JAZF1: variants seen among roughly 807,000 people sequenced by gnomAD.
JAZF1 encodes JAZF zinc finger 1.
In JAZF1, 8 loss-of-function variants were observed where a neutral mutation model predicts 26.4. The ratio of observed to expected loss-of-function variants is 0.30; its 90% confidence interval spans 0.18 to 0.55. JAZF1 has a LOEUF of 0.55. Among genes scored for constraint, JAZF1 ranks in the 20% least tolerant of loss-of-function variants. The pLI is 0.94. For synonymous variants in JAZF1, 126 were observed against 122.3 expected (o/e 1.03, Z -0.20); for missense variants, 199 against 322.0 (o/e 0.62, Z 2.92).
chr7:27,934,180 T>C (rs1784729005), intron 2 of JAZF1, among the ~76,000 whole-genome samples: 1 of 152,182 alleles, frequency 6.6e-6, no homozygotes, highest in Admixed American at 6.5e-5. Flanking sequence ...AATAACCCAG[T>C]TGGAGAAGGA....
chr7:28,113,761 T>C (rs2127934461), intron 1 of JAZF1, among the ~76,000 whole-genome samples: 1 of 152,326 alleles, frequency 6.6e-6, no homozygotes, highest in East Asian at 1.9e-4. Flanking sequence ...CCACTGAAGG[T>C]ACTGTACTTT....
intron 1 of JAZF1, among the ~76,000 whole-genome samples, chr7:28,091,951 T>C (rs560335301): frequency 6.6e-6 from 1 of 152,218 alleles, no homozygotes; most frequent in South Asian, 2.1e-4. Flanking sequence ...AGTCCAAGTA[T>C]GTTACCGTAG....
At chr7:27,903,086 C>T (rs1423182958) in intron 2 of JAZF1, among the ~76,000 whole-genome samples, 1 of 150,530 alleles carries the variant, frequency 6.6e-6, no homozygotes, top group Non-Finnish European at 1.5e-5. Flanking sequence ...AAACCTTTCA[C>T]CTTCTGCCAT....
At position 27,927,672 on chromosome 7, in the gene JAZF1, A is replaced by G. The variant is rs183781960; in HGVS notation, c.189-32256T>C. 2.0e-5 allele frequency among the ~76,000 whole-genome samples: 3 copies of G among 152,310 alleles called. No individual in the cohort carries two copies. The East Asian group carries it at 5.8e-4, about 29-fold the overall frequency. ...TCAAGCTATATTTCTCATTTGAATA[A>G]CATCTCACAAGAGATGTTTTTTATA... is the stretch of plus-strand genomic sequence containing the variant. On this transcript the variant is annotated intron_variant, in intron 2 of 4. Coordinates refer to ENST00000283928, the MANE Select transcript of JAZF1 (RefSeq NM_175061.4).
At chr7:27,878,331 C>A (rs1017741866) in intron 3 of JAZF1, among the ~76,000 whole-genome samples, 123 of 152,086 alleles carry the variant, frequency 8.1e-4, no homozygotes, top group African/African-American at 2.8e-3. Flanking sequence ...TGACCATGAT[C>A]CATTGAAAAA....
chr7:27,929,073 C>A (rs1309262576), intron 2 of JAZF1, among the ~76,000 whole-genome samples: 1 of 152,228 alleles, frequency 6.6e-6, no homozygotes, highest in Non-Finnish European at 1.5e-5. Flanking sequence ...ACTGGCAACT[C>A]AGTTTTCTTG....
chr7:27,856,619 A>G (rs1447436449), intron 3 of JAZF1, among the ~76,000 whole-genome samples: 1 of 152,202 alleles, frequency 6.6e-6, no homozygotes, highest in Non-Finnish European at 1.5e-5. Flanking sequence ...ACAATCCCTT[A>G]GCTAGACACA....
chr7:28,136,797 T>C (rs1782892952), intron 1 of JAZF1, among the ~76,000 whole-genome samples: 1 of 152,192 alleles, frequency 6.6e-6, no homozygotes. Context: ...AAGGTATGTC[T>C]AGACCCAGCC....
At chr7:27,932,753 C>T (rs896379411) in intron 2 of JAZF1, among the ~76,000 whole-genome samples, 4 of 152,200 alleles carry the variant, frequency 2.6e-5, no homozygotes, top group Admixed American at 6.5e-5. Context: ...CTCACTCACA[C>T]TCCTGCAAAC....
chr7:27,929,629 G>A (rs1784653712), intron 2 of JAZF1, among the ~76,000 whole-genome samples: 1 of 152,142 alleles, frequency 6.6e-6, no homozygotes, highest in Non-Finnish European at 1.5e-5. Context: ...GTGACTTTGG[G>A]CAAAAGACTT....
intron 2 of JAZF1, among the ~76,000 whole-genome samples, chr7:27,909,908 G>A (rs1168917720): frequency 6.6e-6 from 1 of 152,164 alleles, no homozygotes; most frequent in African/African-American, 2.4e-5. Context: ...AGGAAAGACA[G>A]AAGAGAACAA....
chr7:27,848,565 G>T (rs567104229), intron 3 of JAZF1, among the ~76,000 whole-genome samples: 1 of 152,360 alleles, frequency 6.6e-6, no homozygotes, highest in African/African-American at 2.4e-5. Flanking sequence ...CACCGGCTGT[G>T]ACACTGGGTG....
chr7:28,051,767 A>G (rs1264680759), intron 1 of JAZF1, among the ~76,000 whole-genome samples: 2 of 152,204 alleles, frequency 1.3e-5, no homozygotes, highest in Non-Finnish European at 2.9e-5. Context: ...AACACAGTCC[A>G]TCAATATTTA....
At chr7:27,837,781 C>T (rs546356749) in intron 4 of JAZF1, among the ~76,000 whole-genome samples, 7 of 152,278 alleles carry the variant, frequency 4.6e-5, no homozygotes, top group East Asian at 3.9e-4. Flanking sequence ...ACTCTTTAGC[C>T]GAAGGCAGTT....
At chr7:27,872,803 A>G (rs1562514250) in intron 3 of JAZF1, among the ~76,000 whole-genome samples, 1 of 151,958 alleles carries the variant, frequency 6.6e-6, no homozygotes, top group Non-Finnish European at 1.5e-5. Flanking sequence ...TAAAAAAGGT[A>G]GTTTACTTGG....
At chr7:27,987,557 G>A (rs570713156) in intron 2 of JAZF1, among the ~76,000 whole-genome samples, 2 of 151,862 alleles carry the variant, frequency 1.3e-5, no homozygotes, top group East Asian at 3.9e-4. Context: ...CGCCCTGTCC[G>A]GGAGGGAGGT....
intron 2 of JAZF1, among the ~76,000 whole-genome samples, chr7:27,922,764 C>A (rs1784553184): frequency 6.6e-6 from 1 of 151,996 alleles, no homozygotes; most frequent in South Asian, 2.1e-4. Flanking sequence ...TAATCTGTGC[C>A]AGGTAACTCA....
chr7:27,922,428 T>C (rs1432143043), intron 2 of JAZF1, among the ~76,000 whole-genome samples: 1 of 152,078 alleles, frequency 6.6e-6, no homozygotes, highest in Non-Finnish European at 1.5e-5. Context: ...TTTTGTATTT[T>C]AGTAGAGACG....
At chr7:28,083,092 C>G (rs564346182) in intron 1 of JAZF1, among the ~76,000 whole-genome samples, 17 of 152,306 alleles carry the variant, frequency 1.1e-4, no homozygotes, top group African/African-American at 2.4e-5. Context: ...TCCCCTCTAC[C>G]TGGCTGGGGC....
Sources: gnomAD v4.1 joint callset for allele counts (sites outside exome capture counted in the v4.1 genomes callset) on GRCh38, gnomAD v4.1.1 for gene constraint, MANE v1.5 for transcripts, NCBI Gene and HGNC (gene_info 2026-07-23, HGNC 2026-07-21) for gene names.